Variants in SAMD5 observed in about 807,000 individuals in gnomAD.
SAMD5 encodes the protein sterile alpha motif domain-containing protein 5.
In SAMD5, 13 loss-of-function variants were observed where a neutral mutation model predicts 11.3. The observed-to-expected ratio is 1.15, with a 90% CI of 0.75 to 1.83. SAMD5 has a LOEUF of 1.83. SAMD5 is among the 40% of genes most tolerant of loss of function. The pLI is 0.00. For synonymous variants in SAMD5, 129 were observed against 111.3 expected, an observed-to-expected ratio of 1.16 and a Z score of -1.00; for missense variants, 255 against 239.1, an observed-to-expected ratio of 1.07 and a Z score of -0.44.
chr6:147,838,668 A>G, the SAMD5 span, among the ~76,000 whole-genome samples: 1 of 152,066 alleles, frequency 6.6e-6, no homozygotes, highest in African/African-American at 2.4e-5. Context: ...CCTTGGCCAT[A>G]GATTTGTGCT....
At chr6:147,838,468 C>T in the SAMD5 span, among the ~76,000 whole-genome samples, 28 of 151,080 alleles carry the variant, frequency 1.9e-4, no homozygotes, top group African/African-American at 6.6e-4. Flanking sequence ...TCAAGTGAAA[C>T]GTATCTATAT....
the SAMD5 span, among the ~76,000 whole-genome samples, chr6:147,944,504 G>A: frequency 4.7e-4 from 72 of 152,248 alleles, no homozygotes; most frequent in African/African-American, 1.6e-3. Context: ...ACCTCCCACC[G>A]GTTTCCTCCC....
At chr6:147,605,254 A>C (rs946081728) in intron 1 of SAMD5, among the ~76,000 whole-genome samples, 2 of 152,196 alleles carry the variant, frequency 1.3e-5, no homozygotes, top group African/African-American at 4.8e-5. Flanking sequence ...CTGGGACTAC[A>C]GGCATGCACC....
At chr6:147,696,899 G>A (rs1365108276) in intron 1 of SAMD5, among the ~76,000 whole-genome samples, 3 of 152,038 alleles carry the variant, frequency 2.0e-5, no homozygotes, top group African/African-American at 7.2e-5. Flanking sequence ...GAGATTAAAA[G>A]AAAAAAATAT....
chr6:147,821,451 C>G, the SAMD5 span, among the ~76,000 whole-genome samples: 1 of 152,180 alleles, frequency 6.6e-6, no homozygotes, highest in Non-Finnish European at 1.5e-5. Flanking sequence ...AGGCTACGAC[C>G]AGCAACCTGA....
the SAMD5 span, among the ~76,000 whole-genome samples, chr6:147,774,962 G>T: frequency 6.6e-6 from 1 of 152,000 alleles, no homozygotes; most frequent in African/African-American, 2.4e-5. Context: ...TTTACTTAAA[G>T]CCTTGAGATT....
the SAMD5 span, among the ~76,000 whole-genome samples, chr6:147,781,552 T>C: frequency 6.6e-6 from 1 of 152,120 alleles, no homozygotes; most frequent in Non-Finnish European, 1.5e-5. Context: ...CCACCAAATG[T>C]TGACAGAGTT....
chr6:147,540,933 GTTTTTTTTTT>G (rs1187718649), intron 1 of SAMD5, among the ~76,000 whole-genome samples: 36 of 64,178 alleles, frequency 5.6e-4, no homozygotes, highest in African/African-American at 1.9e-3. Flanking sequence ...CAAGCCACGC[GTTTTTTTTTT>G]TTTTTTTTTT....
In SAMD5 at chr6:147,698,685, A is replaced by C. The variant is rs538076977; in HGVS notation, c.163-38632A>C. On this transcript the variant is annotated intron_variant, in intron 1 of 1. Coordinates refer to the SAMD5 transcript ENST00000566741. ...CAGACAGGCTAGAAGTTCTGGGAGTAGTGGCCAAGGCAGATAAAGCCCCTT... is the reference window on the plus strand; with the variant it reads ...CAGACAGGCTAGAAGTTCTGGGAGTCGTGGCCAAGGCAGATAAAGCCCCTT... Among the ~76,000 whole-genome samples, 11 of 152,282 alleles carry C rather than the reference A, an allele frequency of 7.2e-5. No homozygotes were observed. In the South Asian group the frequency reaches 2.1e-3, roughly 29 times the overall value.
the SAMD5 span, among the ~76,000 whole-genome samples, chr6:147,906,466 A>G: frequency 0.17 from 26,195 of 152,152 alleles, 2,881 homozygotes; most frequent in Non-Finnish European, 0.24. Context: ...CCAACAGAAC[A>G]CCCTTAAAAT....
chr6:147,584,605 A>G (rs1789347862), intron 1 of SAMD5, among the ~76,000 whole-genome samples: 1 of 152,228 alleles, frequency 6.6e-6, no homozygotes, highest in African/African-American at 2.4e-5. Flanking sequence ...TGAGGATCCG[A>G]GACAGTGCCA....
At chr6:147,551,828 ATATATATATG>A (rs1204789526) in intron 1 of SAMD5, among the ~76,000 whole-genome samples, 1 of 146,444 alleles carries the variant, frequency 6.8e-6, no homozygotes, top group African/African-American at 2.5e-5. Flanking sequence ...ATATATATAT[ATATATATATG>A]TATATATGTA....
chr6:147,539,882 T>C lies in SAMD5; in HGVS notation c.460-24512T>C, dbSNP rs551573246. Among the ~76,000 whole-genome samples the C allele has an allele frequency of 5.3e-5, 8 of 152,278 alleles. No homozygotes were observed. The East Asian group carries it at 1.3e-3, about 26-fold the overall frequency. ...GTGTTTAAAAAAAAATCCTTAAAAA[T>C]TTTTTTATTACCCAACTTTAGCCAC... On this transcript the variant is annotated intron_variant, in intron 1 of 1. Transcript: ENST00000367474.
At chr6:147,562,952 G>C (rs1330230815) in intron 1 of SAMD5, among the ~76,000 whole-genome samples, 11 of 152,196 alleles carry the variant, frequency 7.2e-5, no homozygotes, top group Non-Finnish European at 1.0e-4. Flanking sequence ...GGTTTGTTCA[G>C]ATAGGTTGAA....
the SAMD5 span, among the ~76,000 whole-genome samples, chr6:147,846,320 T>C: frequency 5.3e-5 from 8 of 152,162 alleles, no homozygotes; most frequent in Non-Finnish European, 8.8e-5. Context: ...CACAAAGCCA[T>C]GTATTTAATT....
chr6:147,533,668 C>G (rs1177327620), intron 1 of SAMD5, among the ~76,000 whole-genome samples: 1 of 151,952 alleles, frequency 6.6e-6, no homozygotes, highest in Non-Finnish European at 1.5e-5. Context: ...CCCCTTCCTC[C>G]TCCTCCCCGC....
At chr6:147,791,027 G>A in the SAMD5 span, among the ~76,000 whole-genome samples, 106 of 152,220 alleles carry the variant, frequency 7.0e-4, no homozygotes, top group African/African-American at 2.5e-3. Context: ...GGGTGTGGTG[G>A]CTCACGCCTG....
chr6:147,537,696 C>CA (rs1017463605), intron 1 of SAMD5, among the ~76,000 whole-genome samples: 2 of 150,066 alleles, frequency 1.3e-5, no homozygotes, highest in Non-Finnish European at 3.0e-5. Flanking sequence ...GCGGAGCTTG[C>CA]AGTGAGCCGA....
chr6:147,514,950 G>A (rs191585867), intron 1 of SAMD5, among the ~76,000 whole-genome samples: 256 of 152,204 alleles, frequency 1.7e-3, no homozygotes, highest in Non-Finnish European at 2.7e-3. Flanking sequence ...CTGGGGCCAG[G>A]GTGAAATATT....
Sources: allele counts gnomAD v4.1 joint callset (sites outside exome capture counted in the v4.1 genomes callset), GRCh38; gene constraint gnomAD v4.1.1; transcripts MANE v1.5; gene names NCBI Gene and HGNC (gene_info 2026-07-23, HGNC 2026-07-21).